Variants in SLC25A19 observed in about 807,000 individuals in gnomAD.
SLC25A19 encodes the protein solute carrier family 25 member 19.
In SLC25A19, 18 loss-of-function variants were observed where a neutral mutation model predicts 27.9. That is an observed-to-expected ratio of 0.64 (90% CI 0.45 to 0.96). SLC25A19 has a LOEUF of 0.96. Among genes scored for constraint, SLC25A19 ranks in the 40% least tolerant of loss-of-function variants. The probability of loss-of-function intolerance (pLI) is 0.00; values close to 1 mark genes in which losing one functional copy is unlikely to be tolerated. For missense variants in SLC25A19, 371 were observed against 418.3 expected (o/e 0.89, Z 0.99); for synonymous variants, 169 against 167.1 (o/e 1.01, Z -0.09).
At position 75,286,366 on chromosome 17, in the gene SLC25A19, T is replaced by C. The variant is rs1050310337; in HGVS notation, c.226A>G (p.Thr76Ala). Residue 76 changes from threonine to alanine, a missense_variant, in exon 4 of 8, where the codon ACA (threonine) becomes GCA (alanine). By Grantham distance (58) the Thr-to-Ala change is moderately conservative. Transcript: ENST00000416858. ...GGGACGTGTCCTTTCCAGAAAGCTG[T>C]CGGACCCTCCTCCTGCAGAATCTGC... ...SRQILQEEGPTAFWKGHVPAQ... is the reference protein window; with the variant it reads ...SRQILQEEGPAAFWKGHVPAQ... 3.1e-6 allele frequency: 5 copies of C among 1,614,040 alleles called. No homozygotes were observed. The African/African-American group carries it at 6.7e-5, about 22-fold the overall frequency.
chr17:75,283,276 G>T (rs1214736390), intron 5 of SLC25A19, 147 bp downstream of exon 5: 11 of 864,884 alleles, frequency 1.3e-5, no homozygotes, highest in Non-Finnish European at 1.7e-5. Context: ...ACTCCAGCCT[G>T]CATGACAGAG....
At chr17:75,279,716 C>CA (rs2077988956) in intron 5 of SLC25A19, among the ~76,000 whole-genome samples, 1 of 151,830 alleles carries the variant, frequency 6.6e-6, no homozygotes, top group Non-Finnish European at 1.5e-5. Flanking sequence ...ATCATGTTGG[C>CA]CAGGATGATC....
At chr17:75,276,524 T>C (rs773311368) in intron 7 of SLC25A19, among the ~76,000 whole-genome samples, 5,554 of 130,560 alleles carry the variant, frequency 0.043, 244 homozygotes, top group Middle Eastern at 0.12. Flanking sequence ...CCCACCACCA[T>C]ACCCAGCTAA....
chr17:75,287,830 G>A (rs2078218341), intron 2 of SLC25A19, among the ~76,000 whole-genome samples: 1 of 152,180 alleles, frequency 6.6e-6, no homozygotes, highest in Non-Finnish European at 1.5e-5. Context: ...CCGGCACAGT[G>A]GGGCCATGCT....
chr17:75,273,162 C>T lies in SLC25A19; in HGVS notation c.*289G>A, dbSNP rs532311879. ...GGCAGGGCTGATAGGTGTAGGATGG[C>T]GTCTGTTTCCTTTGGAGTGTGGGCT... On this transcript the variant is annotated 3_prime_UTR_variant, in exon 8 of 8. Coordinates refer to ENST00000416858, the MANE Select transcript of SLC25A19 (RefSeq NM_001126121.2). The T allele has an allele frequency of 8.8e-6, 4 of 453,460 alleles. No homozygotes were observed. The highest frequency in any genetic ancestry group is 4.0e-5 in the African/African-American group (2 of 50,412). 28.1% of individuals were successfully genotyped at this position (453,460 alleles called of 1,614,324 possible). A position where few individuals can be genotyped will look rare whatever the true frequency, so the allele number is the denominator to read the frequency against.
Position 75,283,470 on chromosome 17 carries a change from G to C in SLC25A19, c.412C>G (p.Pro138Ala). The C allele has an allele frequency of 6.2e-7, 1 of 1,612,912 alleles. No homozygotes were observed. Among genetic ancestry groups the C allele is most frequent in the Non-Finnish European group, 8.5e-7 (1 of 1,179,832 alleles). Reference sequence around the variant, plus strand: ...AAGCGGGTGCGCAGAACATCCACGGGGTGCACAGTGAGGGTGGCCATACAG... The same window carrying C: ...AAGCGGGTGCGCAGAACATCCACGGCGTGCACAGTGAGGGTGGCCATACAG... ...AACMATLTVH[P>A]VDVLRTRFAA... Residue 138 changes from proline (P) to alanine (A), a missense_variant, in exon 5 of 8, where the codon CCC becomes GCC. Pro to Ala is a conservative substitution (Grantham distance 27, BLOSUM62 -1). Coordinates refer to ENST00000416858, the MANE Select transcript of SLC25A19 (RefSeq NM_001126121.2).
intron 7 of SLC25A19, among the ~76,000 whole-genome samples, chr17:75,276,059 A>G (rs1246087104): frequency 1.3e-5 from 2 of 152,000 alleles, no homozygotes; most frequent in African/African-American, 2.4e-5. Context: ...GGATCACCTG[A>G]GGTCAGGAGT....
At chr17:75,277,629 C>CTTTTTGGAATGGG in intron 6 of SLC25A19, 146 bp from the exon 7 acceptor site, 1 of 939,074 alleles carries the variant, frequency 1.1e-6, no homozygotes, top group Non-Finnish European at 1.7e-6. Flanking sequence ...CCTCCCATTC[C>CTTTTTGGAATGGG]AAAAAGGAAT....
rs1411640364 is a variant in SLC25A19 at position 75,283,289 on chromosome 17, A to G, written c.459+134T>C. The G allele has an allele frequency of 1.0e-5, 10 of 995,070 alleles. No individual in the cohort carries two copies. In the East Asian group the frequency reaches 2.7e-4, roughly 27 times the overall value. 61.6% of individuals were successfully genotyped at this position (995,070 alleles called of 1,614,324 possible). ...GCACTCCAGCCTGCATGACAGAGCG[A>G]GATTCTGTCTCAAACAAAACAAAAC... On this transcript the variant is annotated intron_variant, in intron 5 of 7. Transcript: ENST00000416858.
intron 7 of SLC25A19, among the ~76,000 whole-genome samples, chr17:75,275,396 C>T (rs1279933995): frequency 1.3e-5 from 2 of 152,136 alleles, no homozygotes. Flanking sequence ...AAGGAATGCT[C>T]TCTCCCTACC....
chr17:75,275,044 A>G (rs1456850948), intron 7 of SLC25A19, among the ~76,000 whole-genome samples: 1 of 118,152 alleles, frequency 8.5e-6, no homozygotes, highest in Non-Finnish European at 1.6e-5. Context: ...GATGGTGTGC[A>G]GTAGTGTGAT....
At chr17:75,277,212 G>A in intron 7 of SLC25A19, 141 bp downstream of exon 7, 1 of 1,079,828 alleles carries the variant, frequency 9.3e-7, no homozygotes, top group East Asian at 2.6e-5. Context: ...CACATGCTTA[G>A]GGATCTCAAG....
intron 5 of SLC25A19, 99 bp downstream of exon 5, chr17:75,283,324 C>A: frequency 7.6e-7 from 1 of 1,309,088 alleles, no homozygotes; most frequent in South Asian, 1.6e-5. Flanking sequence ...CAGAACAAAA[C>A]AAAAATAAAT....
chr17:75,276,280 C>CAAAAA (rs992223726), intron 7 of SLC25A19, among the ~76,000 whole-genome samples: 4 of 152,224 alleles, frequency 2.6e-5, no homozygotes, highest in African/African-American at 7.2e-5. Flanking sequence ...CGTTTCAAAA[C>CAAAAA]AAAAACAAAA....
chr17:75,287,339 A>G (rs988433403), intron 2 of SLC25A19: 4 of 156,822 alleles, frequency 2.6e-5, no homozygotes, highest in African/African-American at 9.7e-5. Context: ...TCCTGGCCTC[A>G]AGTGATTCTC....
rs2077767672 is a variant in SLC25A19 at position 75,273,094 on chromosome 17, A to C, written c.*357T>G. On this transcript the variant is annotated 3_prime_UTR_variant, in exon 8 of 8. Coordinates refer to ENST00000416858, the MANE Select transcript of SLC25A19 (RefSeq NM_001126121.2). ...CTACCGCAGCCCTCTGCACTCAAGC[A>C]GCAGCCCCATCCAGACCAGGAGTGT... is the stretch of plus-strand genomic sequence containing the variant. 5 of 360,516 alleles carry C rather than the reference A, an allele frequency of 1.4e-5. No homozygotes were observed. Among genetic ancestry groups the C allele is most frequent in the Middle Eastern group, 1.9e-3 (2 of 1,068 alleles). The allele number at this position is 360,516 out of a possible 1,614,324, so 22.3% of individuals were successfully genotyped here.
chr17:75,279,368 G>A (rs1049520629), intron 5 of SLC25A19, among the ~76,000 whole-genome samples: 1 of 152,048 alleles, frequency 6.6e-6, no homozygotes, highest in Non-Finnish European at 1.5e-5. Context: ...GTTGTGACTA[G>A]TCTTAAGGCA....
At chr17:75,280,085 A>T (rs1454349202) in intron 5 of SLC25A19, among the ~76,000 whole-genome samples, 1 of 152,204 alleles carries the variant, frequency 6.6e-6, no homozygotes, top group Non-Finnish European at 1.5e-5. Context: ...ATTGTTTATA[A>T]GCCAGGTCTG....
intron 4 of SLC25A19, among the ~76,000 whole-genome samples, chr17:75,285,185 C>T (rs1478644664): frequency 6.6e-6 from 1 of 152,210 alleles, no homozygotes; most frequent in Non-Finnish European, 1.5e-5. Context: ...CATCCTCCCA[C>T]CTCAGCCTCC....
Sources: allele counts gnomAD v4.1 joint callset (sites outside exome capture counted in the v4.1 genomes callset), GRCh38; gene constraint gnomAD v4.1.1; transcripts MANE v1.5; gene names NCBI Gene and HGNC (gene_info 2026-07-23, HGNC 2026-07-21).